The following GRM7 variants were observed in gnomAD, a reference collection of about 807,000 sequenced individuals.
GRM7 encodes glutamate metabotropic receptor 7, also known as metabotropic glutamate receptor 7.
In GRM7, 35 loss-of-function variants were observed where a neutral mutation model predicts 84.5. The ratio of observed to expected loss-of-function variants is 0.41; its 90% confidence interval spans 0.32 to 0.55. GRM7 has a LOEUF of 0.55. GRM7 is among the 20% of genes least tolerant of loss of function. GRM7 has a pLI of 0.19. For synonymous variants in GRM7, 487 were observed against 455.1 expected (o/e 1.07, Z -0.89); for missense variants, 1,003 against 1,194.6 (o/e 0.84, Z 2.36).
intron 8 of GRM7, among the ~76,000 whole-genome samples, chr3:7,647,048 A>G (rs1012710973): frequency 6.6e-6 from 1 of 152,226 alleles, no homozygotes; most frequent in African/African-American, 2.4e-5. Context: ...TTGGCATTTT[A>G]TCCTGCTGGG....
intron 8 of GRM7, among the ~76,000 whole-genome samples, chr3:7,586,491 T>C (rs1385817025): frequency 6.6e-6 from 1 of 151,834 alleles, no homozygotes; most frequent in East Asian, 1.9e-4. Context: ...ATCTACAAAA[T>C]GGAATATTAC....
chr3:7,078,820 G>A (rs1290564762), intron 1 of GRM7, among the ~76,000 whole-genome samples: 1 of 150,650 alleles, frequency 6.6e-6, no homozygotes, highest in East Asian at 1.9e-4. Context: ...TCTCCTATTG[G>A]CATTTTCTGA....
chr3:7,697,228 A>C (rs1014380639), intron 9 of GRM7, among the ~76,000 whole-genome samples: 1 of 152,216 alleles, frequency 6.6e-6, no homozygotes, highest in East Asian at 1.9e-4. Flanking sequence ...AATTTTTAAA[A>C]ATTACATCAT....
intron 7 of GRM7, among the ~76,000 whole-genome samples, chr3:7,469,019 G>C (rs1376338987): frequency 6.6e-6 from 1 of 152,124 alleles, no homozygotes; most frequent in African/African-American, 2.4e-5. Flanking sequence ...CATTTAGCTG[G>C]GTTATTTTTC....
intron 4 of GRM7, among the ~76,000 whole-genome samples, chr3:7,339,502 A>T (rs962707289): frequency 6.6e-6 from 1 of 152,118 alleles, no homozygotes; most frequent in Non-Finnish European, 1.5e-5. Flanking sequence ...TGGAGTACGG[A>T]CAGTGTTCCT....
Position 6,861,829 on chromosome 3 carries a change from G to T in GRM7, c.441G>T (p.Pro147=). ...GCGAACCGCCGGTTTTCGTCAAGCC[G>T]GAGAAAGTAGTTGGAGTGATTGGGG... is the stretch of plus-strand genomic sequence containing the variant. The part of the protein sequence containing the change: ...TNGEPPVFVK[P]EKVVGVIGAS... The change falls in exon 1 of 10, where the codon CCG becomes CCT. Residue 147 remains proline, a synonymous_variant. Transcript: ENST00000357716. This position sits in a 1 kb window ranked among gnomAD's most constrained non-coding sequence, Gnocchi z 6.4. 6.2e-7 allele frequency: 1 copy of T among 1,614,168 alleles called. No homozygotes were observed.
rs1240271281 is a variant in GRM7, at chr3:7,188,115, T to A, written c.736+41447T>A. ...GTATTGGCTATTATACTTAGCATTA[T>A]ACTTGGGCAGGAGGACAGAGAAGGG... On this transcript the variant is annotated intron_variant, in intron 2 of 9. Coordinates refer to ENST00000357716, the MANE Select transcript of GRM7 (RefSeq NM_000844.4). The surrounding 1 kb of genome is among the most constrained non-coding windows in gnomAD (Gnocchi z 4.2). Among the ~76,000 whole-genome samples, 1 of 152,062 alleles carries A rather than the reference T, an allele frequency of 6.6e-6. No homozygotes were observed. Among genetic ancestry groups the A allele is most frequent in the Admixed American group, 6.6e-5 (1 of 15,260 alleles).
intron 8 of GRM7, among the ~76,000 whole-genome samples, chr3:7,629,371 G>A (rs1355518986): frequency 6.6e-6 from 1 of 152,156 alleles, no homozygotes; most frequent in Admixed American, 6.5e-5. Flanking sequence ...TCAAAATGAG[G>A]ATGCCAGCAG....
At chr3:6,960,660 C>G (rs1439560378) in intron 1 of GRM7, among the ~76,000 whole-genome samples, 2 of 152,160 alleles carry the variant, frequency 1.3e-5, no homozygotes, top group East Asian at 3.9e-4. Flanking sequence ...AACATGCAGT[C>G]TGTCATTAGC....
chr3:7,650,208 T>A (rs1049935382), intron 8 of GRM7, among the ~76,000 whole-genome samples: 62 of 152,114 alleles, frequency 4.1e-4, no homozygotes, highest in Non-Finnish European at 3.5e-4. Flanking sequence ...TTGCTTGCTA[T>A]AAGCCCATGA....
At chr3:7,653,682 A>AGTAC (rs1699057183) in intron 8 of GRM7, among the ~76,000 whole-genome samples, 1 of 152,214 alleles carries the variant, frequency 6.6e-6, no homozygotes, top group South Asian at 2.1e-4. Context: ...AAATGAGATG[A>AGTAC]GTACTGAATA....
chr3:7,491,550 G>A (rs1269748954), intron 7 of GRM7, among the ~76,000 whole-genome samples: 3 of 152,190 alleles, frequency 2.0e-5, no homozygotes, highest in East Asian at 3.9e-4. Flanking sequence ...AGGAAGCCAT[G>A]GGACTTTGCT....
intron 6 of GRM7, among the ~76,000 whole-genome samples, chr3:7,453,049 C>G (rs1057458491): frequency 5.0e-5 from 7 of 140,994 alleles, no homozygotes; most frequent in African/African-American, 1.1e-4. Context: ...TTTTTTTGCA[C>G]TATGCCAAAT....
intron 8 of GRM7, among the ~76,000 whole-genome samples, chr3:7,581,394 A>C (rs2125055335): frequency 6.6e-6 from 1 of 152,296 alleles, no homozygotes; most frequent in South Asian, 2.1e-4. Flanking sequence ...TAGGTTATGA[A>C]GTTTTACGTG....
chr3:7,303,459 T>C (rs1700080302), intron 3 of GRM7, among the ~76,000 whole-genome samples: 1 of 152,192 alleles, frequency 6.6e-6, no homozygotes, highest in South Asian at 2.1e-4. Flanking sequence ...AAATATTATC[T>C]AATTCTTATG....
At chr3:7,030,231 G>A (rs1696140388) in intron 1 of GRM7, among the ~76,000 whole-genome samples, 2 of 152,304 alleles carry the variant, frequency 1.3e-5, no homozygotes, top group Non-Finnish European at 1.5e-5. Context: ...TACAACTTTA[G>A]AAAATGCAGT....
chr3:7,666,591 T>TAACA (rs1699711025), intron 8 of GRM7, among the ~76,000 whole-genome samples: 1 of 152,104 alleles, frequency 6.6e-6, no homozygotes, highest in Non-Finnish European at 1.5e-5. Flanking sequence ...AGAACAATAA[T>TAACA]AACAATGATA....
intron 7 of GRM7, among the ~76,000 whole-genome samples, chr3:7,515,895 C>T (rs1337082276): frequency 1.3e-5 from 2 of 152,080 alleles, no homozygotes; most frequent in African/African-American, 4.8e-5. Flanking sequence ...GTAATCCCAG[C>T]ACTTTGGGAG....
At chr3:7,731,174 G>A (rs538282915) in intron 9 of GRM7, among the ~76,000 whole-genome samples, 1 of 151,650 alleles carries the variant, frequency 6.6e-6, no homozygotes, top group African/African-American at 2.4e-5. Context: ...GGCTGTTTTG[G>A]CCATGTTTAG....
Sources: gnomAD v4.1 joint callset for allele counts (sites outside exome capture counted in the v4.1 genomes callset) on GRCh38, gnomAD v4.1.1 for gene constraint, Gnocchi (gnomAD v3.1) non-coding constraint, MANE v1.5 for transcripts, NCBI Gene and HGNC (gene_info 2026-07-23, HGNC 2026-07-21) for gene names.